The following PLPPR5 variants were observed in gnomAD, a reference collection of about 807,000 sequenced individuals.
The protein encoded by PLPPR5 is phospholipid phosphatase-related protein type 5.
A neutral mutation model predicts 33.9 loss-of-function variants in PLPPR5; 16 were observed. That is an observed-to-expected ratio of 0.47 (90% confidence interval 0.32 to 0.72). PLPPR5 has a LOEUF of 0.72. Among genes scored for constraint, PLPPR5 ranks in the 30% least tolerant of loss-of-function variants. PLPPR5 has a pLI of 0.03. For missense variants in PLPPR5, 301 were observed against 406.7 expected, an observed-to-expected ratio of 0.74 and a Z score of 2.23; for synonymous variants, 163 against 150.3, an observed-to-expected ratio of 1.08 and a Z score of -0.62.
chr1:98,901,533 T>A (rs1409940200), intron 5 of PLPPR5, among the ~76,000 whole-genome samples: 1 of 152,202 alleles, frequency 6.6e-6, no homozygotes, highest in East Asian at 1.9e-4. Flanking sequence ...TAAAATTTGG[T>A]GTGTCAGTTA....
intron 3 of PLPPR5, among the ~76,000 whole-genome samples, chr1:98,939,565 C>G (rs927035777): frequency 6.6e-6 from 1 of 151,952 alleles, no homozygotes; most frequent in Non-Finnish European, 1.5e-5. Flanking sequence ...CTGAGTGTGG[C>G]CTTCCTCAAA....
chr1:98,970,665 G>C (rs1305438387), intron 1 of PLPPR5, among the ~76,000 whole-genome samples: 1 of 151,868 alleles, frequency 6.6e-6, no homozygotes, highest in South Asian at 2.1e-4. Flanking sequence ...CTATGAGGTT[G>C]ATATTATTAC....
chr1:98,917,832 C>T (rs1169343788), intron 4 of PLPPR5, among the ~76,000 whole-genome samples: 1 of 152,202 alleles, frequency 6.6e-6, no homozygotes, highest in Non-Finnish European at 1.5e-5. Context: ...CCAAGTTCCA[C>T]AAATGCAAAG....
chr1:98,919,692 T>C (rs1156642750), intron 4 of PLPPR5, among the ~76,000 whole-genome samples: 1 of 152,194 alleles, frequency 6.6e-6, no homozygotes, highest in Non-Finnish European at 1.5e-5. Context: ...CACCATCCTG[T>C]TTCCCTGGTT....
Position 98,939,275 on chromosome 1 carries a change from A to T in PLPPR5, c.621+13795T>A, listed in dbSNP as rs1479157970. 1.3e-3 allele frequency among the ~76,000 whole-genome samples: 199 copies of T among 148,466 alleles called. 3 individuals are homozygous for T. Among genetic ancestry groups the T allele is most frequent in the Admixed American group, 2.1e-3 (31 of 14,850 alleles). ...TATTATCACATAGTTATTACTGAAA[A>T]TAATTTTTCCATATAGAGGAAGGGA... On this transcript the variant is annotated intron_variant, in intron 3 of 5. Coordinates refer to ENST00000263177, the MANE Select transcript of PLPPR5 (RefSeq NM_001037317.2).
At chr1:98,904,073 ATCC>A (rs1408083793) in intron 5 of PLPPR5, among the ~76,000 whole-genome samples, 1 of 152,120 alleles carries the variant, frequency 6.6e-6, no homozygotes, top group African/African-American at 2.4e-5. Flanking sequence ...GTAATAGTAC[ATCC>A]TCATTATAAT....
intron 3 of PLPPR5, among the ~76,000 whole-genome samples, chr1:98,948,377 G>A (rs1650638997): frequency 6.6e-6 from 1 of 152,152 alleles, no homozygotes; most frequent in Non-Finnish European, 1.5e-5. Flanking sequence ...AATGAGGAAG[G>A]GGAGAGAGGG....
chr1:98,944,852 C>T (rs766623432), intron 3 of PLPPR5, among the ~76,000 whole-genome samples: 24 of 152,272 alleles, frequency 1.6e-4, no homozygotes, highest in South Asian at 1.2e-3. Context: ...TTATGGCAGG[C>T]TCCAGTGGGA....
At chr1:98,908,364 A>G (rs955561639) in intron 5 of PLPPR5, among the ~76,000 whole-genome samples, 1 of 152,210 alleles carries the variant, frequency 6.6e-6, no homozygotes, top group African/African-American at 2.4e-5. Flanking sequence ...AGCTATAAAG[A>G]TATTAATTCC....
intron 1 of PLPPR5, among the ~76,000 whole-genome samples, chr1:98,983,282 C>A (rs1315890366): frequency 7.5e-6 from 1 of 133,828 alleles, no homozygotes. Context: ...ATTCCCCTTC[C>A]TGTGTCCATG....
chr1:98,966,095 T>C lies in PLPPR5; in HGVS notation c.238-9354A>G, dbSNP rs1251937158. Reference sequence around the variant, plus strand: ...TTTTTAAAAAGAGAGAGAGCAAGTATCAGTCTCAGGGTCTTTTCCAGAAAA... The same window carrying C: ...TTTTTAAAAAGAGAGAGAGCAAGTACCAGTCTCAGGGTCTTTTCCAGAAAA... On this transcript the variant is annotated intron_variant, in intron 1 of 5. Transcript: ENST00000263177. Among the ~76,000 whole-genome samples, 3 of 152,326 alleles carry C rather than the reference T, an allele frequency of 2.0e-5. No individual in the cohort carries two copies. In the East Asian group the frequency reaches 5.8e-4, roughly 29 times the overall value.
At chr1:98,930,565 T>C (rs1169830675) in intron 3 of PLPPR5, among the ~76,000 whole-genome samples, 1 of 151,628 alleles carries the variant, frequency 6.6e-6, no homozygotes, top group African/African-American at 2.4e-5. Context: ...AAAGATAATA[T>C]TGCAGCACAT....
intron 1 of PLPPR5, among the ~76,000 whole-genome samples, chr1:98,971,360 A>G (rs1007348236): frequency 6.6e-6 from 1 of 152,092 alleles, no homozygotes; most frequent in Non-Finnish European, 1.5e-5. Context: ...AGAAGCCCAT[A>G]GAAGTGGTAT....
At chr1:98,926,198 C>A (rs960535984) in intron 3 of PLPPR5, among the ~76,000 whole-genome samples, 2 of 152,182 alleles carry the variant, frequency 1.3e-5, no homozygotes, top group Admixed American at 1.3e-4. Context: ...CCTCAGCACT[C>A]TGCACACTCT....
intron 1 of PLPPR5, among the ~76,000 whole-genome samples, chr1:98,958,962 C>T (rs904343120): frequency 9.2e-5 from 14 of 152,104 alleles, no homozygotes; most frequent in African/African-American, 3.4e-4. Flanking sequence ...TACACTGCAC[C>T]CCAACTCAGG....
chr1:98,953,355 T>TTATG, intron 2 of PLPPR5, 35 bp from the exon 3 acceptor site: 2 of 1,378,016 alleles, frequency 1.5e-6, no homozygotes, highest in Non-Finnish European at 1.9e-6. Context: ...AACTTCTTGC[T>TTATG]TGTGTGTGTG....
chr1:98,957,043 G>T (rs1402817019), intron 1 of PLPPR5, among the ~76,000 whole-genome samples: 2 of 151,706 alleles, frequency 1.3e-5, no homozygotes, highest in Admixed American at 6.6e-5. Context: ...GTAGGGACAT[G>T]GATGAAATTG....
intron 1 of PLPPR5, among the ~76,000 whole-genome samples, chr1:98,982,879 GT>G (rs969002639): frequency 6.6e-6 from 1 of 152,032 alleles, no homozygotes; most frequent in Non-Finnish European, 1.5e-5. Flanking sequence ...TCAACCCGCT[GT>G]TTTTATGGGC....
intron 1 of PLPPR5, among the ~76,000 whole-genome samples, chr1:98,968,734 T>C (rs527733010): frequency 2.0e-4 from 31 of 151,928 alleles, no homozygotes; most frequent in African/African-American, 6.5e-4. Flanking sequence ...AAAAAAAAAT[T>C]TAAAAAATGT....
Sources: gnomAD v4.1 joint callset for allele counts (sites outside exome capture counted in the v4.1 genomes callset) on GRCh38, gnomAD v4.1.1 for gene constraint, MANE v1.5 for transcripts, NCBI Gene and HGNC (gene_info 2026-07-23, HGNC 2026-07-21) for gene names.